TBC1D8: variants seen among roughly 807,000 people sequenced by gnomAD.
TBC1D8 encodes BUB2-like protein 1.
In TBC1D8, 65 loss-of-function variants were observed where a neutral mutation model predicts 118.8. The ratio of observed to expected loss-of-function variants is 0.55; its 90% CI spans 0.45 to 0.67. TBC1D8 has a LOEUF of 0.67. Ranked by LOEUF, TBC1D8 falls within the 30% of genes least tolerant of loss-of-function variation. The pLI is 0.00. For synonymous variants in TBC1D8, 566 were observed against 595.8 expected (o/e 0.95, Z 0.73); for missense variants, 1,376 against 1,471.2 (o/e 0.94, Z 1.06).
chr2:101,143,861 T>G (rs1454904125), intron 1 of TBC1D8, among the ~76,000 whole-genome samples: 1 of 152,186 alleles, frequency 6.6e-6, no homozygotes, highest in Non-Finnish European at 1.5e-5. Context: ...TTGCCCGGCA[T>G]CAACAGGTAG....
chr2:101,016,873 A>G (rs1432839630), intron 17 of TBC1D8, among the ~76,000 whole-genome samples: 4 of 151,852 alleles, frequency 2.6e-5, no homozygotes, highest in African/African-American at 4.8e-5. Flanking sequence ...GAATTGAACA[A>G]TGAGACCACA....
In TBC1D8 at chr2:101,029,663, G is replaced by A. The variant is rs757659040; in HGVS notation, c.2050C>T (p.Leu684=). The change falls in exon 12 of 20, where the codon CTG becomes TTG. Residue 684 remains leucine, a synonymous_variant. Coordinates refer to ENST00000409318, the MANE Select transcript of TBC1D8 (RefSeq NM_001330348.2). ...GGCATGATGCTGAGGAACAGGGTCA[G>A]GAACCACGAGAGAGAGACGGACGCC... ...ALASVSLSWF[L]TLFLSIMPLE... The A allele has an allele frequency of 2.5e-6, 4 of 1,614,024 alleles. No individual in the cohort carries two copies. The highest frequency in any genetic ancestry group is 3.4e-6 in the Non-Finnish European group (4 of 1,179,896).
rs570570006 is a variant in TBC1D8, at chr2:101,033,194, G to A, written c.1818+350C>T. On this transcript the variant is annotated intron_variant, in intron 10 of 19. Transcript: ENST00000409318. ...TGCAGTGGCATGATCTCGGCTCACC[G>A]CAACCTGCGACTCCCTGGTTCAAGT... 4.3e-3 allele frequency among the ~76,000 whole-genome samples: 651 copies of A among 151,152 alleles called. 4 individuals carry two copies. The highest frequency in any genetic ancestry group is 5.2e-3 in the Non-Finnish European group (351 of 67,894).
intron 5 of TBC1D8, among the ~76,000 whole-genome samples, chr2:101,042,695 C>T (rs1415101417): frequency 6.6e-6 from 1 of 151,962 alleles, no homozygotes; most frequent in African/African-American, 2.4e-5. Context: ...AGTGGGACTT[C>T]CACTTTCCAA....
intron 9 of TBC1D8, among the ~76,000 whole-genome samples, chr2:101,035,566 C>T (rs1017417485): frequency 3.3e-5 from 5 of 152,126 alleles, no homozygotes; most frequent in Admixed American, 6.5e-5. Flanking sequence ...CTCTGGTGCC[C>T]GCCATGTGTC....
chr2:101,146,829 T>A (rs1429877780), intron 1 of TBC1D8, among the ~76,000 whole-genome samples: 1 of 152,228 alleles, frequency 6.6e-6, no homozygotes, highest in Non-Finnish European at 1.5e-5. Flanking sequence ...CCTATCTAAC[T>A]GTAACTCTGT....
intron 15 of TBC1D8, 143 bp from the exon 16 acceptor site, chr2:101,022,664 C>G (rs1158972971): frequency 8.0e-7 from 1 of 1,251,330 alleles, no homozygotes; most frequent in African/African-American, 1.6e-5. Flanking sequence ...ACCCTGACAT[C>G]CTTACCCACA....
rs1226106667 is a variant in TBC1D8, at chr2:101,151,056, G to A, written c.127+71C>T. On this transcript the variant is annotated intron_variant, in intron 1 of 19. Transcript: ENST00000409318. ...GCCTCTGGCGACGCAGCCCGGGACT[G>A]GGGGCCGCGGGCCCGGCGGGGTGCG... is the stretch of plus-strand genomic sequence containing the variant. 5.5e-5 allele frequency: 53 copies of A among 955,142 alleles called. No homozygotes were observed. In the South Asian group the frequency reaches 2.2e-3, roughly 40 times the overall value. 59.2% of individuals were successfully genotyped at this position (955,142 alleles called of 1,614,324 possible). A position where few individuals can be genotyped will look rare whatever the true frequency, so the allele number is the denominator to read the frequency against.
At position 101,059,419 on chromosome 2, in the gene TBC1D8, A is replaced by G; in HGVS notation, c.402+2T>C. 6.2e-7 allele frequency: 1 copy of G among 1,609,494 alleles called. No individual in the cohort carries two copies. The highest frequency in any genetic ancestry group is 8.5e-7 in the Non-Finnish European group (1 of 1,175,866). ...GAGAAACATGAAACTCAGGGGACCTACCTTTACCTTCCCTTTGACAAAACT... is the reference window on the plus strand; with the variant it reads ...GAGAAACATGAAACTCAGGGGACCTGCCTTTACCTTCCCTTTGACAAAACT... On this transcript the variant is annotated splice_donor_variant, in intron 3 of 19. Coordinates refer to ENST00000409318, the MANE Select transcript of TBC1D8 (RefSeq NM_001330348.2). LOFTEE classifies it high-confidence loss of function.
chr2:101,104,231 ATAG>A (rs1288738238), intron 1 of TBC1D8, among the ~76,000 whole-genome samples: 5 of 107,746 alleles, frequency 4.6e-5, no homozygotes, highest in Non-Finnish European at 1.0e-4. Context: ...ATCTAAATAG[ATAG>A]ATATTCCACA....
intron 1 of TBC1D8, chr2:101,109,738 A>C: frequency 1.0e-6 from 1 of 963,964 alleles, no homozygotes; most frequent in Non-Finnish European, 1.2e-6. Context: ...GGGCCTCCCC[A>C]GCCCTGGCTC....
At chr2:101,117,738 T>C (rs1024059332) in intron 1 of TBC1D8, among the ~76,000 whole-genome samples, 1 of 151,894 alleles carries the variant, frequency 6.6e-6, no homozygotes, top group Non-Finnish European at 1.5e-5. Flanking sequence ...CATGCCTGGC[T>C]AATTTTTTTT....
At position 101,008,162 on chromosome 2, in the gene TBC1D8, C is replaced by T. The variant is rs1331348471; in HGVS notation, c.3127G>A (p.Gly1043Arg). Reference protein sequence around the residue: ...ATVTTLLLQIGEVGQRGSSSG... With the variant: ...ATVTTLLLQIREVGQRGSSSG... Reference sequence around the variant, plus strand: ...CTGCTGCCTCGCTGCCCCACCTCCCCGATCTGCAGCAGCAGTGTGGTGACT... The same window carrying T: ...CTGCTGCCTCGCTGCCCCACCTCCCTGATCTGCAGCAGCAGTGTGGTGACT... Residue 1043 changes from glycine to arginine, a missense_variant, in exon 20 of 20, where the codon GGG (glycine) becomes AGG (arginine). By Grantham distance (125) the Gly-to-Arg change is moderately radical. Transcript: ENST00000409318. 29 of 1,613,650 alleles carry T rather than the reference C, an allele frequency of 1.8e-5. No homozygotes were observed. The highest frequency in any genetic ancestry group is 4.5e-5 in the East Asian group (2 of 44,876).
chr2:101,068,354 G>A (rs1434224387), intron 2 of TBC1D8: 2 of 240,990 alleles, frequency 8.3e-6, no homozygotes, highest in African/African-American at 2.3e-5. Flanking sequence ...AGAACTCTCG[G>A]TCTTCTTGGT....
At chr2:101,121,095 T>A (rs565951967) in intron 1 of TBC1D8, among the ~76,000 whole-genome samples, 1 of 152,190 alleles carries the variant, frequency 6.6e-6, no homozygotes, top group South Asian at 2.1e-4. Flanking sequence ...CGGGCAAACC[T>A]CCCTCTTTTC....
At chr2:101,051,494 G>T (rs991660182) in intron 4 of TBC1D8, among the ~76,000 whole-genome samples, 1 of 152,100 alleles carries the variant, frequency 6.6e-6, no homozygotes, top group African/African-American at 2.4e-5. Context: ...CACAGCGAAA[G>T]AAACTATCAA....
chr2:101,127,097 G>GAGGCCGAGGCAGGTGGATCACGAGGTC (rs1678389082), intron 1 of TBC1D8, among the ~76,000 whole-genome samples: 1 of 152,168 alleles, frequency 6.6e-6, no homozygotes, highest in Non-Finnish European at 1.5e-5. Flanking sequence ...AGCACTCTGG[G>GAGGCCGAGGCAGGTGGATCACGAGGTC]AGGCCGAGGC....
chr2:101,081,115 T>A (rs909801786), intron 2 of TBC1D8, among the ~76,000 whole-genome samples: 6 of 152,240 alleles, frequency 3.9e-5, no homozygotes, highest in African/African-American at 1.2e-4. Context: ...TTTTGATTTA[T>A]GAAAATATCA....
intron 3 of TBC1D8, among the ~76,000 whole-genome samples, chr2:101,054,655 T>C (rs1419533971): frequency 1.7e-5 from 1 of 60,522 alleles, no homozygotes; most frequent in Non-Finnish European, 3.6e-5. Context: ...AAACAAACAA[T>C]CATTTTCTTT....
Sources: gnomAD v4.1 joint callset for allele counts (sites outside exome capture counted in the v4.1 genomes callset) on GRCh38, gnomAD v4.1.1 for gene constraint, MANE v1.5 for transcripts, NCBI Gene and HGNC (gene_info 2026-07-23, HGNC 2026-07-21) for gene names.